Variants in KLHL3 observed in about 807,000 individuals in gnomAD.
KLHL3 encodes the protein kelch like family member 3.
In KLHL3, 19 loss-of-function variants were observed where a neutral mutation model predicts 70.5. The ratio of observed to expected loss-of-function variants is 0.27; its 90% CI spans 0.19 to 0.40. The LOEUF is 0.40. Among genes scored for constraint, KLHL3 ranks in the 10% least tolerant of loss-of-function variants. The pLI, the probability that KLHL3 is intolerant of heterozygous loss-of-function variation, is 1.00. For missense variants in KLHL3, 512 were observed against 771.1 expected, an observed-to-expected ratio of 0.66 and a Z score of 3.98; for synonymous variants, 258 against 290.3, an observed-to-expected ratio of 0.89 and a Z score of 1.13.
At chr5:137,632,138 T>C (rs148294783) in intron 12 of KLHL3, among the ~76,000 whole-genome samples, 2 of 152,236 alleles carry the variant, frequency 1.3e-5, no homozygotes, top group African/African-American at 2.4e-5. Context: ...TCATTCCTCA[T>C]AGAATTAGAA....
intron 12 of KLHL3, among the ~76,000 whole-genome samples, chr5:137,631,258 C>T (rs1245731168): frequency 1.3e-5 from 2 of 152,144 alleles, no homozygotes; most frequent in African/African-American, 4.8e-5. Flanking sequence ...AGACCCTTCC[C>T]TTTGGGCCTC....
intron 3 of KLHL3, among the ~76,000 whole-genome samples, chr5:137,708,840 A>G (rs1467499017): frequency 3.3e-5 from 5 of 152,224 alleles, no homozygotes; most frequent in African/African-American, 1.2e-4. Flanking sequence ...TATAGATTCC[A>G]GGAAACAGAC....
At chr5:137,677,063 A>C (rs1561601882) in intron 6 of KLHL3, among the ~76,000 whole-genome samples, 1 of 152,180 alleles carries the variant, frequency 6.6e-6, no homozygotes, top group African/African-American at 2.4e-5. Context: ...TAAAGAGTCT[A>C]GAATGTAGCA....
intron 8 of KLHL3, among the ~76,000 whole-genome samples, chr5:137,645,034 G>A (rs1016387647): frequency 1.8e-4 from 27 of 152,144 alleles, no homozygotes; most frequent in African/African-American, 4.8e-4. Context: ...AAAACGATAC[G>A]TCACATTAAC....
chr5:137,637,498 A>G, intron 10 of KLHL3, 103 bp from the exon 11 acceptor site: 9 of 950,354 alleles, frequency 9.5e-6, no homozygotes, highest in Non-Finnish European at 1.5e-5. Context: ...TGGGCTGGAA[A>G]CCTAAATGTA....
intron 8 of KLHL3, among the ~76,000 whole-genome samples, chr5:137,650,546 A>G (rs1459785475): frequency 6.6e-6 from 1 of 152,204 alleles, no homozygotes; most frequent in Admixed American, 6.5e-5. Context: ...TTGGCAAGGC[A>G]CGGTGGCTCA....
At chr5:137,643,308 C>T (rs1750963875) in intron 8 of KLHL3, among the ~76,000 whole-genome samples, 1 of 149,920 alleles carries the variant, frequency 6.7e-6, no homozygotes, top group African/African-American at 2.5e-5. Flanking sequence ...GTTGTGATTG[C>T]AGCACCACTG....
At chr5:137,720,332 C>A in intron 2 of KLHL3, 133 bp downstream of exon 2, 1 of 1,023,646 alleles carries the variant, frequency 9.8e-7, no homozygotes, top group Non-Finnish European at 1.4e-6. Context: ...GAAAGGGGAA[C>A]TCAAGTGACT....
intron 2 of KLHL3, among the ~76,000 whole-genome samples, chr5:137,714,818 GA>G (rs915902377): frequency 6.6e-6 from 1 of 151,918 alleles, no homozygotes; most frequent in Admixed American, 6.6e-5. Context: ...GTTACCAAAA[GA>G]AAAACAGAAA....
intron 6 of KLHL3, 49 bp downstream of exon 6, chr5:137,677,496 G>A (rs754469393): frequency 9.3e-7 from 1 of 1,075,128 alleles, no homozygotes. Context: ...TCCTTCCCAT[G>A]ACCACCTGAC....
At chr5:137,630,681 GGGAACACCTACTACA>G (rs1750612243) in intron 12 of KLHL3, among the ~76,000 whole-genome samples, 1 of 152,180 alleles carries the variant, frequency 6.6e-6, no homozygotes, top group African/African-American at 2.4e-5. Context: ...TTGGTTCTTA[GGGAACACCTACTACA>G]ACCCTACAAC....
intron 8 of KLHL3, among the ~76,000 whole-genome samples, 155 bp downstream of exon 8, chr5:137,657,976 G>T (rs1039524803): frequency 6.6e-6 from 1 of 152,172 alleles, no homozygotes; most frequent in Non-Finnish European, 1.5e-5. Flanking sequence ...GGTACCAGCA[G>T]ATTCAAGAGG....
intron 6 of KLHL3, among the ~76,000 whole-genome samples, chr5:137,662,410 C>T (rs1473409815): frequency 2.6e-5 from 4 of 152,136 alleles, no homozygotes; most frequent in Admixed American, 2.0e-4. Context: ...ATAGAGGCTG[C>T]TCAGGAAGAT....
chr5:137,734,005 T>G (rs955712347), intron 1 of KLHL3, among the ~76,000 whole-genome samples: 1 of 152,160 alleles, frequency 6.6e-6, no homozygotes, highest in Non-Finnish European at 1.5e-5. Context: ...CAACCTGGTG[T>G]TCTAAAGCCA....
At chr5:137,685,679 A>T (rs956677452) in intron 5 of KLHL3, among the ~76,000 whole-genome samples, 2 of 152,204 alleles carry the variant, frequency 1.3e-5, no homozygotes, top group Admixed American at 6.5e-5. Flanking sequence ...TATACTGCTA[A>T]GAATGTTTTT....
intron 5 of KLHL3, among the ~76,000 whole-genome samples, chr5:137,687,040 C>A (rs1400453651): frequency 0.011 from 869 of 76,722 alleles, 1 homozygote; most frequent in African/African-American, 0.015. Flanking sequence ...AGCCCCCCGC[C>A]CGGCCAGCCG....
intron 8 of KLHL3, among the ~76,000 whole-genome samples, chr5:137,654,816 G>A (rs1324978127): frequency 6.6e-6 from 1 of 152,168 alleles, no homozygotes; most frequent in African/African-American, 2.4e-5. Context: ...AGGGATGACA[G>A]AAGGATGGCT....
intron 4 of KLHL3, among the ~76,000 whole-genome samples, chr5:137,696,275 C>T (rs1335360474): frequency 6.6e-6 from 1 of 152,178 alleles, no homozygotes; most frequent in Non-Finnish European, 1.5e-5. Flanking sequence ...GTCTCTGCCC[C>T]AATCACACAG....
chr5:137,689,418 T>C (rs560789421), intron 5 of KLHL3, among the ~76,000 whole-genome samples: 123 of 152,276 alleles, frequency 8.1e-4, no homozygotes, highest in Non-Finnish European at 1.5e-3. Context: ...AGCAAAGACA[T>C]GCAATCAATC....
Sources: allele counts gnomAD v4.1 joint callset (sites outside exome capture counted in the v4.1 genomes callset), GRCh38; gene constraint gnomAD v4.1.1; transcripts MANE v1.5; gene names NCBI Gene and HGNC (gene_info 2026-07-23, HGNC 2026-07-21).